The following DRC11 variants were observed in gnomAD, a reference collection of about 807,000 sequenced individuals.
The protein encoded by DRC11 is dynein regulatory complex subunit 11, also known as IQ and AAA domain-containing protein 1.
the DRC11 span, among the ~76,000 whole-genome samples, chr2:236,486,205 C>T: frequency 6.6e-6 from 1 of 152,160 alleles, no homozygotes; most frequent in Admixed American, 6.5e-5. This position sits in a 1 kb window ranked among gnomAD's most constrained non-coding sequence, Gnocchi z 5.7. Flanking sequence ...GGAACAGAAT[C>T]CTGCCAGCAA....
At chr2:236,313,240 C>T in the DRC11 span, among the ~76,000 whole-genome samples, 1 of 152,034 alleles carries the variant, frequency 6.6e-6, no homozygotes, top group Non-Finnish European at 1.5e-5. The surrounding 1 kb of genome is among the most constrained non-coding windows in gnomAD (Gnocchi z 4.5). Context: ...CATTTAAGAA[C>T]ATAGATGCAA....
chr2:236,507,451 G>T, the DRC11 span: 1 of 634,722 alleles, frequency 1.6e-6, no homozygotes, highest in Non-Finnish European at 2.8e-6. Flanking sequence ...GTGAGGCCGG[G>T]TTTGCTTCGC....
the DRC11 span, among the ~76,000 whole-genome samples, chr2:236,329,956 C>T: frequency 1.4e-4 from 21 of 152,066 alleles, no homozygotes; most frequent in Admixed American, 7.2e-4. Flanking sequence ...GAGATTACTT[C>T]GGAAAGTTAA....
At chr2:236,481,743 T>C in the DRC11 span, among the ~76,000 whole-genome samples, 7,142 of 152,112 alleles carry the variant, frequency 0.047, 449 homozygotes, top group East Asian at 0.18. Context: ...TCAGACTTTG[T>C]GTATTTTCTT....
chr2:236,474,638 C>T, the DRC11 span, among the ~76,000 whole-genome samples: 6 of 152,196 alleles, frequency 3.9e-5, no homozygotes, highest in African/African-American at 1.2e-4. Context: ...GAAAACTGGA[C>T]ATAACAATTG....
At chr2:236,494,191 A>G in the DRC11 span, among the ~76,000 whole-genome samples, 1 of 152,196 alleles carries the variant, frequency 6.6e-6, no homozygotes, top group African/African-American at 2.4e-5. The surrounding 1 kb of genome is among the most constrained non-coding windows in gnomAD (Gnocchi z 4.2). Context: ...AAGAAATACA[A>G]TATTACCTCG....
chr2:236,442,094 C>T, the DRC11 span, among the ~76,000 whole-genome samples: 20 of 151,956 alleles, frequency 1.3e-4, 1 homozygote, highest in African/African-American at 4.8e-4. Flanking sequence ...GAACAAGATC[C>T]TATCTCCAAA....
At chr2:236,484,087 A>G in the DRC11 span, among the ~76,000 whole-genome samples, 2 of 152,148 alleles carry the variant, frequency 1.3e-5, no homozygotes, top group Admixed American at 6.5e-5. Context: ...AAAGAAAACC[A>G]TATCCTCACA....
At chr2:236,309,861 C>T in the DRC11 span, among the ~76,000 whole-genome samples, 2 of 152,194 alleles carry the variant, frequency 1.3e-5, no homozygotes, top group African/African-American at 4.8e-5. The surrounding 1 kb of genome is among the most constrained non-coding windows in gnomAD (Gnocchi z 5.7). Flanking sequence ...AGGGATGTTT[C>T]CAGCCTCACC....
chr2:236,338,278 AG>A, the DRC11 span: 2 of 1,614,036 alleles, frequency 1.2e-6, no homozygotes, highest in South Asian at 2.2e-5. Flanking sequence ...ATTGGAGTTC[AG>A]CATCGAAGGG....
At chr2:236,387,403 T>C in the DRC11 span, among the ~76,000 whole-genome samples, 1 of 151,678 alleles carries the variant, frequency 6.6e-6, no homozygotes. Flanking sequence ...ATTGATCCCT[T>C]TACCATTATG....
At chr2:236,344,482 A>G in the DRC11 span, 4 of 980,414 alleles carry the variant, frequency 4.1e-6, no homozygotes, top group East Asian at 1.0e-4. Flanking sequence ...CTTCTCAAAA[A>G]GTAGAGGTAG....
At chr2:236,356,911 AT>A in the DRC11 span, among the ~76,000 whole-genome samples, 81 of 82,826 alleles carry the variant, frequency 9.8e-4, 2 homozygotes, top group South Asian at 0.02. Flanking sequence ...ATATTTATAT[AT>A]TATATATATT....
At chr2:236,476,430 T>G in the DRC11 span, among the ~76,000 whole-genome samples, 1 of 152,242 alleles carries the variant, frequency 6.6e-6, no homozygotes, top group Admixed American at 6.5e-5. The surrounding 1 kb of genome is among the most constrained non-coding windows in gnomAD (Gnocchi z 4.7). Context: ...GTAACTTTAC[T>G]GAATTCATTT....
At chr2:236,499,772 C>T in the DRC11 span, among the ~76,000 whole-genome samples, 3 of 152,140 alleles carry the variant, frequency 2.0e-5, no homozygotes, top group Non-Finnish European at 2.9e-5. This position sits in a 1 kb window ranked among gnomAD's most constrained non-coding sequence, Gnocchi z 4.7. Flanking sequence ...TTTTCTTTGT[C>T]CTTGTGAGTT....
At chr2:236,453,037 C>A in the DRC11 span, among the ~76,000 whole-genome samples, 1 of 152,086 alleles carries the variant, frequency 6.6e-6, no homozygotes, top group South Asian at 2.1e-4. This position sits in a 1 kb window ranked among gnomAD's most constrained non-coding sequence, Gnocchi z 4.9. Flanking sequence ...AAGATTTTCC[C>A]ATTAAAGGCA....
the DRC11 span, among the ~76,000 whole-genome samples, chr2:236,334,781 G>A: frequency 6.6e-6 from 1 of 152,140 alleles, no homozygotes; most frequent in African/African-American, 2.4e-5. This position sits in a 1 kb window ranked among gnomAD's most constrained non-coding sequence, Gnocchi z 7.8. Context: ...GCCTGGAATT[G>A]CAGAAAAGTC....
At chr2:236,424,793 A>G in the DRC11 span, among the ~76,000 whole-genome samples, 1 of 151,952 alleles carries the variant, frequency 6.6e-6, no homozygotes, top group African/African-American at 2.4e-5. Flanking sequence ...GTACCCTTTG[A>G]CCAACATCTC....
At chr2:236,373,744 G>A in the DRC11 span, among the ~76,000 whole-genome samples, 5 of 152,206 alleles carry the variant, frequency 3.3e-5, no homozygotes, top group East Asian at 1.9e-4. Context: ...GAAGTGTGGC[G>A]CAGGATAGCT....
Sources: gnomAD v4.1 joint callset for allele counts (sites outside exome capture counted in the v4.1 genomes callset) on GRCh38, gnomAD v4.1.1 for gene constraint, Gnocchi (gnomAD v3.1) non-coding constraint, MANE v1.5 for transcripts, NCBI Gene and HGNC (gene_info 2026-07-23, HGNC 2026-07-21) for gene names.